DGKH: variants seen among roughly 807,000 people sequenced by gnomAD.
The protein encoded by DGKH is diacylglycerol kinase eta.
In DGKH, 90 loss-of-function variants were observed where a neutral mutation model predicts 159.3. The ratio of observed to expected loss-of-function variants is 0.57; its 90% CI spans 0.48 to 0.67. The LOEUF is 0.67. DGKH is among the 30% of genes least tolerant of loss of function. The probability of loss-of-function intolerance (pLI) is 0.00; values close to 1 mark genes in which losing one functional copy is unlikely to be tolerated. For missense variants in DGKH, 1,181 were observed against 1,506.1 expected, an observed-to-expected ratio of 0.78 and a Z score of 3.57; for synonymous variants, 536 against 553.8, an observed-to-expected ratio of 0.97 and a Z score of 0.45.
intron 7 of DGKH, among the ~76,000 whole-genome samples, chr13:42,163,765 C>G (rs1437083443): frequency 6.6e-6 from 1 of 150,944 alleles, no homozygotes; most frequent in Non-Finnish European, 1.5e-5. Context: ...GATATTAGCC[C>G]TTTGTCAGAT....
intron 11 of DGKH, among the ~76,000 whole-genome samples, chr13:42,172,389 C>A (rs982293637): frequency 1.3e-5 from 2 of 152,098 alleles, no homozygotes; most frequent in Non-Finnish European, 2.9e-5. Flanking sequence ...AAGTAAATTT[C>A]TTTTAAAGTA....
intron 29 of DGKH, among the ~76,000 whole-genome samples, chr13:42,222,622 CA>C (rs1175604345): frequency 6.6e-6 from 1 of 151,978 alleles, no homozygotes; most frequent in Non-Finnish European, 1.5e-5. Context: ...TCATGATATC[CA>C]ACATGTTTTT....
At chr13:42,095,527 A>AG (rs1954512469) in intron 1 of DGKH, among the ~76,000 whole-genome samples, 1 of 152,136 alleles carries the variant, frequency 6.6e-6, no homozygotes. Flanking sequence ...TGTTGGAGTT[A>AG]GGAGCTGTGT....
chr13:42,168,672 C>G lies in DGKH; in HGVS notation c.1228-7C>G. 1 of 1,614,202 alleles carries G rather than the reference C, an allele frequency of 6.2e-7. No homozygotes were observed. Among genetic ancestry groups the G allele is most frequent in the Non-Finnish European group, 8.5e-7 (1 of 1,180,018 alleles). On this transcript the variant is annotated splice_region_variant and splice_polypyrimidine_tract_variant and intron_variant, in intron 10 of 29. Coordinates refer to ENST00000337343, the MANE Select transcript of DGKH (RefSeq NM_178009.5). ...TCTGAAAGTCACCCTGTTGCACTGT[C>G]TTTCAGTGTCAGCTGGGAGTGTTGC...
intron 3 of DGKH, among the ~76,000 whole-genome samples, chr13:42,151,495 G>C (rs1250382484): frequency 7.3e-6 from 1 of 137,414 alleles, no homozygotes; most frequent in Non-Finnish European, 1.6e-5. Flanking sequence ...GTGTGTGTGT[G>C]TGTGTGTGTG....
intron 20 of DGKH, among the ~76,000 whole-genome samples, chr13:42,204,829 T>A (rs75413546): frequency 1.3e-5 from 2 of 152,148 alleles, no homozygotes; most frequent in East Asian, 1.9e-4. Flanking sequence ...ACTCTTGACA[T>A]TGAGACCTTT....
chr13:42,116,389 A>T (rs1216925618), intron 1 of DGKH, among the ~76,000 whole-genome samples: 1 of 152,216 alleles, frequency 6.6e-6, no homozygotes, highest in Non-Finnish European at 1.5e-5. Context: ...CATCTCTCCC[A>T]TGACGCCAAA....
chr13:42,181,766 T>A (rs1386096647), intron 13 of DGKH: 2 of 733,222 alleles, frequency 2.7e-6, no homozygotes, highest in Non-Finnish European at 4.1e-6. Context: ...CCATCAGACC[T>A]GGCTGCCAGG....
At chr13:42,115,354 A>T (rs1256821834) in intron 1 of DGKH, among the ~76,000 whole-genome samples, 1 of 152,214 alleles carries the variant, frequency 6.6e-6, no homozygotes, top group Non-Finnish European at 1.5e-5. Context: ...TATATGTGGG[A>T]TAGAAAAATA....
chr13:42,136,276 G>T (rs1305190905), intron 3 of DGKH, among the ~76,000 whole-genome samples: 1 of 152,160 alleles, frequency 6.6e-6, no homozygotes, highest in African/African-American at 2.4e-5. Context: ...ACTTTATCTT[G>T]AGAAAACATT....
intron 14 of DGKH, among the ~76,000 whole-genome samples, chr13:42,188,273 TG>T (rs978326024): frequency 5.3e-5 from 8 of 152,264 alleles, no homozygotes; most frequent in African/African-American, 1.7e-4. Flanking sequence ...AAAAGTATAT[TG>T]GGGGGTAGCA....
chr13:42,070,290 A>G lies in DGKH; in HGVS notation c.192+21325A>G, dbSNP rs147944046. 4.9e-5 allele frequency: 62 copies of G among 1,256,234 alleles called. No individual in the cohort carries two copies. In the African/African-American group the frequency reaches 7.3e-4, roughly 15 times the overall value. 77.8% of individuals were successfully genotyped at this position (1,256,234 alleles called of 1,614,324 possible). ...TGTGTGGCTCAGTCATGTGATTTCT[A>G]ATGTAAACTGGAATTACGCTGAGAA... On this transcript the variant is annotated intron_variant, in intron 1 of 29. Coordinates refer to ENST00000337343, the MANE Select transcript of DGKH (RefSeq NM_178009.5).
chr13:42,215,998 G>T (rs186368286), intron 26 of DGKH, among the ~76,000 whole-genome samples: 48 of 152,332 alleles, frequency 3.2e-4, no homozygotes, highest in African/African-American at 1.1e-3. Context: ...CACACAAGTA[G>T]AGGAACTCAT....
At chr13:42,173,259 C>A (rs1054573950) in intron 11 of DGKH, among the ~76,000 whole-genome samples, 1 of 152,224 alleles carries the variant, frequency 6.6e-6, no homozygotes, top group African/African-American at 2.4e-5. Flanking sequence ...GCATGAGGCA[C>A]CACACCTGGC....
chr13:42,207,111 T>TTA (rs1957514546), intron 21 of DGKH, among the ~76,000 whole-genome samples: 14 of 109,852 alleles, frequency 1.3e-4, no homozygotes, highest in African/African-American at 4.7e-4. Flanking sequence ...CTTTCTTTCT[T>TTA]TCTCTTTCTC....
At position 42,233,365 on chromosome 13, in the gene DGKH, A is replaced by G. The variant is rs1261408576; in HGVS notation, c.*4177A>G. The G allele has an allele frequency of 1.3e-5, 2 of 152,340 alleles. No homozygotes were observed. The highest frequency in any genetic ancestry group is 1.9e-4 in the East Asian group (1 of 5,180). 9.4% of individuals were successfully genotyped at this position (152,340 alleles called of 1,614,324 possible). ...AGAATTTCAGGCCCACTGCAGATCT[A>G]CCGAATCAAAATCTTCCTTTAGCAA... On this transcript the variant is annotated 3_prime_UTR_variant, in exon 30 of 30. Transcript: ENST00000337343.
In DGKH at chr13:42,199,620, T is replaced by C; in HGVS notation, c.2340T>C (p.Asp780=). The C allele has an allele frequency of 6.9e-6, 11 of 1,605,760 alleles. No individual in the cohort carries two copies. Among genetic ancestry groups the C allele is most frequent in the Non-Finnish European group, 9.3e-6 (11 of 1,177,542 alleles). The change falls in exon 19 of 30, where the codon GAT becomes GAC. Residue 780 remains aspartate (D), a synonymous_variant. Transcript: ENST00000337343. ...ACAATTACTTTGGGATTGGATTAGA[T>C]GCAAAAATTTCATTAGAATTTAATA... is the stretch of plus-strand genomic sequence containing the variant. ...VMNNYFGIGL[D]AKISLEFNNK... is the part of the protein sequence containing the mutation.
At chr13:42,119,000 A>G (rs912760821) in intron 1 of DGKH, among the ~76,000 whole-genome samples, 1 of 152,224 alleles carries the variant, frequency 6.6e-6, no homozygotes, top group African/African-American at 2.4e-5. Context: ...CAAAAATCCG[A>G]ATACACCCAC....
chr13:42,249,839 G>C (rs1958608085), intron 29 of DGKH, among the ~76,000 whole-genome samples: 1 of 152,218 alleles, frequency 6.6e-6, no homozygotes, highest in South Asian at 2.1e-4. Flanking sequence ...TACACAACTA[G>C]AATCTCTTGG....
Sources: gnomAD v4.1 joint callset for allele counts (sites outside exome capture counted in the v4.1 genomes callset) on GRCh38, gnomAD v4.1.1 for gene constraint, MANE v1.5 for transcripts, NCBI Gene and HGNC (gene_info 2026-07-23, HGNC 2026-07-21) for gene names.